FER1L5: variants seen among roughly 807,000 people sequenced by gnomAD.
FER1L5 encodes the protein fer-1 like family member 5, also known as fer-1-like protein 5.
FER1L5 carries 187 observed loss-of-function variants against 279.9 expected under a neutral mutation model. The ratio of observed to expected loss-of-function variants is 0.67; its 90% CI spans 0.59 to 0.75. FER1L5 has a LOEUF of 0.75. Ranked by LOEUF, FER1L5 falls within the 30% of genes least tolerant of loss-of-function variation. FER1L5 has a pLI of 0.00. For missense variants in FER1L5, 2,091 were observed against 2,594.4 expected, an observed-to-expected ratio of 0.81 and a Z score of 4.21; for synonymous variants, 921 against 989.7, an observed-to-expected ratio of 0.93 and a Z score of 1.30.
chr2:96,687,867 T>C lies in FER1L5; in HGVS notation c.2281T>C (p.Cys761Arg). ...KDVLPAHLRV[C>R]MWLGNVTDSK... The stretch of plus-strand genomic sequence containing the variant: ...TGTGCTCCCAGCTCACCTCCGGGTC[T>C]GCATGTGGCTTGGCAATGTCACAGA... The change falls in exon 24 of 53, where the codon TGC (cysteine) becomes CGC (arginine). Residue 761 changes from cysteine to arginine, a missense_variant. Cys to Arg is a radical substitution (Grantham distance 180). Coordinates refer to ENST00000624922, the MANE Select transcript of FER1L5 (RefSeq NM_001293083.2). 3.2e-6 allele frequency: 5 copies of C among 1,551,290 alleles called. No homozygotes were observed. Among genetic ancestry groups the C allele is most frequent in the Non-Finnish European group, 4.4e-6 (5 of 1,146,962 alleles).
intron 19 of FER1L5, among the ~76,000 whole-genome samples, chr2:96,675,788 G>A (rs894283378): frequency 6.6e-5 from 10 of 151,854 alleles, no homozygotes; most frequent in Admixed American, 4.6e-4. Context: ...GCACCACTAC[G>A]CCCAGCTAAT....
intron 7 of FER1L5, chr2:96,652,290 A>G: frequency 4.3e-6 from 2 of 469,576 alleles, no homozygotes; most frequent in Admixed American, 3.3e-5. Context: ...GAGGTCTGGG[A>G]GTATTGCTAT....
intron 1 of FER1L5, among the ~76,000 whole-genome samples, chr2:96,643,334 G>C (rs1455343220): frequency 2.0e-5 from 3 of 152,018 alleles, no homozygotes; most frequent in Admixed American, 6.6e-5. Context: ...AATTGACAAG[G>C]CATTATTATT....
At chr2:96,649,415 A>G (rs1558837337) in intron 4 of FER1L5, among the ~76,000 whole-genome samples, 4 of 151,930 alleles carry the variant, frequency 2.6e-5, no homozygotes. Context: ...CATCCCCTCC[A>G]CTGTAACCCA....
chr2:96,670,064 T>C (rs2076267261), intron 17 of FER1L5, 55 bp from the exon 18 acceptor site: 8 of 1,548,194 alleles, frequency 5.2e-6, no homozygotes, highest in African/African-American at 1.4e-5. Flanking sequence ...CAAAGGAGAT[T>C]GGCCTGTTCT....
rs1326475831 is a variant in FER1L5 at position 96,699,627 on chromosome 2, CTGA to C, written c.4693_4695del (p.Asp1565del). The C allele has an allele frequency of 2.5e-6, 4 of 1,614,022 alleles. No homozygotes were observed. The highest frequency in any genetic ancestry group is 2.2e-5 in the East Asian group (1 of 44,892). On this transcript the variant is annotated inframe_deletion, in exon 43 of 53. Coordinates refer to ENST00000624922, the MANE Select transcript of FER1L5 (RefSeq NM_001293083.2). ...CTCTATGACTTCGACCTATTTTCAC[CTGA>C]TGATAAGATAGGAACCACAGTCATC... is the stretch of plus-strand genomic sequence containing the variant.
chr2:96,685,250 G>A, intron 20 of FER1L5, 79 bp from the exon 21 acceptor site: 1 of 1,269,394 alleles, frequency 7.9e-7, no homozygotes, highest in Non-Finnish European at 1.1e-6. Context: ...AAACATCTTG[G>A]GCCAATCAGC....
intron 19 of FER1L5, among the ~76,000 whole-genome samples, chr2:96,682,798 T>C (rs1467643901): frequency 3.3e-5 from 5 of 152,238 alleles, no homozygotes; most frequent in Admixed American, 6.5e-5. Context: ...CTCAAACTCC[T>C]GGGCTCAAGC....
chr2:96,692,216 C>G, intron 31 of FER1L5, 35 bp downstream of exon 31: 2 of 1,548,606 alleles, frequency 1.3e-6, no homozygotes, highest in East Asian at 2.4e-5. Flanking sequence ...CAGCTGAGGA[C>G]AAGGCCTCAG....
At chr2:96,685,557 C>T (rs1238489492) in intron 21 of FER1L5, 128 bp downstream of exon 21, 3 of 787,554 alleles carry the variant, frequency 3.8e-6, no homozygotes, top group Non-Finnish European at 5.9e-6. Context: ...TCAGACCTCT[C>T]CCCAGCGGGA....
chr2:96,669,618 A>C (rs1224554416), intron 17 of FER1L5, among the ~76,000 whole-genome samples: 1 of 152,192 alleles, frequency 6.6e-6, no homozygotes, highest in African/African-American at 2.4e-5. Context: ...GAAGAACCAC[A>C]GGCATTGGTC....
chr2:96,649,371 C>T (rs1417796895), intron 4 of FER1L5, among the ~76,000 whole-genome samples: 1 of 152,188 alleles, frequency 6.6e-6, no homozygotes, highest in Non-Finnish European at 1.5e-5. Context: ...TTTTCTGCCA[C>T]CATCACCACC....
chr2:96,691,775 G>A lies in FER1L5; in HGVS notation c.3076-50G>A. Reference sequence around the variant, plus strand: ...GAGGGTGACTGGGCCTGGGCTAGAGGAAACAGGAGCAGCACCCAAGAGCCT... The same window carrying A: ...GAGGGTGACTGGGCCTGGGCTAGAGAAAACAGGAGCAGCACCCAAGAGCCT... On this transcript the variant is annotated intron_variant, in intron 29 of 52. Coordinates refer to ENST00000624922, the MANE Select transcript of FER1L5 (RefSeq NM_001293083.2). This position sits in a 1 kb window ranked among gnomAD's most constrained non-coding sequence, Gnocchi z 6.0. 6.4e-7 allele frequency: 1 copy of A among 1,551,664 alleles called. No individual in the cohort carries two copies. The highest frequency in any genetic ancestry group is 8.7e-7 in the Non-Finnish European group (1 of 1,146,986).
In FER1L5 at chr2:96,650,164, C is replaced by A; in HGVS notation, c.395-16C>A. The A allele has an allele frequency of 1.9e-6, 3 of 1,547,780 alleles. No homozygotes were observed. The highest frequency in any genetic ancestry group is 2.6e-6 in the Non-Finnish European group (3 of 1,143,508). On this transcript the variant is annotated splice_polypyrimidine_tract_variant and intron_variant, in intron 5 of 52. Transcript: ENST00000624922. ...GCCCCAGGCCTCTGACCCCACCCTGCACTGTGTCTCCCCAGGAGCTGAAGA... is the reference window on the plus strand; with the variant it reads ...GCCCCAGGCCTCTGACCCCACCCTGAACTGTGTCTCCCCAGGAGCTGAAGA...
At chr2:96,696,412 C>G (rs182860566) in intron 37 of FER1L5, among the ~76,000 whole-genome samples, 1 of 152,062 alleles carries the variant, frequency 6.6e-6, no homozygotes, top group African/African-American at 2.4e-5. Flanking sequence ...CCTGCCTCAG[C>G]CTCTTGAGCA....
intron 13 of FER1L5, 100 bp downstream of exon 13, chr2:96,662,367 C>T (rs2075985786): frequency 9.3e-7 from 1 of 1,078,606 alleles, no homozygotes; most frequent in African/African-American, 1.6e-5. Context: ...GGAATCATCT[C>T]CCAGTCACCC....
chr2:96,687,953 T>G lies in FER1L5; in HGVS notation c.2361+6T>G, dbSNP rs2076993305. On this transcript the variant is annotated splice_donor_region_variant and intron_variant, in intron 24 of 52. Transcript: ENST00000624922. The stretch of plus-strand genomic sequence containing the variant: ...CAGCGGTGTACGCCGAGATGGTGAG[T>G]GGTGAGCGGCAGCCCAAGGCCAGGG... 6.5e-7 allele frequency: 1 copy of G among 1,548,136 alleles called. No homozygotes were observed.
At chr2:96,659,353 CCTTCCTTCCTTCTTT>C (rs2075774385) in intron 9 of FER1L5, among the ~76,000 whole-genome samples, 1 of 71,054 alleles carries the variant, frequency 1.4e-5, no homozygotes, top group African/African-American at 5.5e-5. Context: ...TTCCTTCCTT[CCTTCCTTCCTTCTTT>C]CTTTCTTTCT....
In FER1L5 at chr2:96,663,573, A is replaced by C. The variant is rs547585286; in HGVS notation, c.1140+66A>C. On this transcript the variant is annotated intron_variant, in intron 14 of 52. Transcript: ENST00000624922. ...CTAACATAGAAGGGAAGTTTGGATG[A>C]TTGTGTGGGGGTGAAGACAGAGGGT... The C allele has an allele frequency of 2.6e-5, 39 of 1,520,490 alleles. No homozygotes were observed. The African/African-American group carries it at 4.4e-4, about 17-fold the overall frequency. The allele number at this position is 1,520,490 out of a possible 1,614,324, so 94.2% of individuals were successfully genotyped here. A position where few individuals can be genotyped will look rare whatever the true frequency, so the allele number is the denominator to read the frequency against.
Sources: gnomAD v4.1 joint callset for allele counts (sites outside exome capture counted in the v4.1 genomes callset) on GRCh38, gnomAD v4.1.1 for gene constraint, Gnocchi (gnomAD v3.1) non-coding constraint, MANE v1.5 for transcripts, NCBI Gene and HGNC (gene_info 2026-07-23, HGNC 2026-07-21) for gene names.